Variants in GNAQ observed in about 807,000 individuals in gnomAD.
The protein encoded by GNAQ is G protein subunit alpha q.
In GNAQ, 8 loss-of-function variants were observed where a neutral mutation model predicts 43.9. The ratio of observed to expected loss-of-function variants is 0.18; its 90% confidence interval spans 0.11 to 0.33. The LOEUF is 0.33. Ranked by LOEUF, GNAQ falls within the 10% of genes least tolerant of loss-of-function variation. GNAQ has a pLI of 1.00. For missense variants in GNAQ, 158 were observed against 450.8 expected (o/e 0.35, Z 5.88); for synonymous variants, 155 against 170.7 (o/e 0.91, Z 0.71).
At chr9:77,929,792 T>C (rs1369053505) in intron 1 of GNAQ, among the ~76,000 whole-genome samples, 4 of 152,208 alleles carry the variant, frequency 2.6e-5, no homozygotes, top group African/African-American at 4.8e-5. Context: ...ATCACATCAC[T>C]GCACTCTGGC....
intron 1 of GNAQ, among the ~76,000 whole-genome samples, chr9:77,956,507 C>A (rs550269394): frequency 3.4e-4 from 52 of 152,258 alleles, no homozygotes; most frequent in South Asian, 1.5e-3. Flanking sequence ...ACTTTCAAAG[C>A]CATATATCCT....
At chr9:77,800,505 T>C (rs1239106868) in intron 3 of GNAQ, among the ~76,000 whole-genome samples, 2 of 152,004 alleles carry the variant, frequency 1.3e-5, no homozygotes, top group African/African-American at 2.4e-5. Context: ...TTCTCACTCA[T>C]AGGTGGGAAT....
intron 1 of GNAQ, among the ~76,000 whole-genome samples, chr9:77,929,617 G>A (rs1393236168): frequency 6.6e-6 from 1 of 152,038 alleles, no homozygotes; most frequent in Non-Finnish European, 1.5e-5. Context: ...GAACATTTGA[G>A]GTCAGGTGTT....
intron 5 of GNAQ, among the ~76,000 whole-genome samples, chr9:77,762,287 G>A (rs1485921923): frequency 6.1e-5 from 9 of 147,314 alleles, no homozygotes; most frequent in Admixed American, 2.7e-4. Context: ...CGCCCCGTCC[G>A]GGAGGGAGGT....
At chr9:77,923,437 A>G (rs745578616) in intron 1 of GNAQ, among the ~76,000 whole-genome samples, 19 of 152,166 alleles carry the variant, frequency 1.2e-4, no homozygotes, top group Non-Finnish European at 2.8e-4. Flanking sequence ...ACAGAGCTAT[A>G]TATGTCCCTG....
chr9:77,731,259 T>TCA (rs1825483226), intron 5 of GNAQ, among the ~76,000 whole-genome samples: 1 of 152,064 alleles, frequency 6.6e-6, no homozygotes, highest in South Asian at 2.1e-4. Flanking sequence ...TTTGCATTGA[T>TCA]ATAGAAGAAG....
At chr9:77,836,846 A>G (rs576617935) in intron 2 of GNAQ, among the ~76,000 whole-genome samples, 1 of 152,348 alleles carries the variant, frequency 6.6e-6, no homozygotes, top group East Asian at 1.9e-4. Flanking sequence ...TAAATAGTTG[A>G]CAGTGTAAAA....
At chr9:77,726,876 C>T (rs953059174) in intron 6 of GNAQ, among the ~76,000 whole-genome samples, 1 of 152,152 alleles carries the variant, frequency 6.6e-6, no homozygotes, top group African/African-American at 2.4e-5. Flanking sequence ...CACGGCTTGG[C>T]AAACTTTCTC....
intron 1 of GNAQ, among the ~76,000 whole-genome samples, chr9:77,929,117 T>C (rs1339035700): frequency 6.6e-6 from 1 of 152,152 alleles, no homozygotes; most frequent in Non-Finnish European, 1.5e-5. Context: ...GAACAGGAAG[T>C]TTATGTGAAT....
intron 2 of GNAQ, among the ~76,000 whole-genome samples, chr9:77,921,453 A>G (rs1293599470): frequency 6.6e-6 from 1 of 152,254 alleles, no homozygotes; most frequent in Admixed American, 6.5e-5. Flanking sequence ...GAGCAATCAC[A>G]GCATTTATTT....
chr9:78,000,427 C>T (rs1823629502), intron 1 of GNAQ, among the ~76,000 whole-genome samples: 1 of 152,096 alleles, frequency 6.6e-6, no homozygotes, highest in East Asian at 1.9e-4. Flanking sequence ...CAGGAAAGAC[C>T]ATGTGGCCCA....
At chr9:77,936,789 T>G (rs1829239617) in intron 1 of GNAQ, among the ~76,000 whole-genome samples, 1 of 152,136 alleles carries the variant, frequency 6.6e-6, no homozygotes, top group African/African-American at 2.4e-5. Context: ...CTAGAATGAT[T>G]CCTTTCTTGT....
At chr9:77,825,061 C>T (rs945307774) in intron 2 of GNAQ, among the ~76,000 whole-genome samples, 1 of 152,060 alleles carries the variant, frequency 6.6e-6, no homozygotes, top group Non-Finnish European at 1.5e-5. Context: ...TTGTGTCTTT[C>T]GTATTTTGTG....
At chr9:77,722,490 C>T (rs920636924) in intron 6 of GNAQ, among the ~76,000 whole-genome samples, 3 of 151,848 alleles carry the variant, frequency 2.0e-5, no homozygotes, top group Non-Finnish European at 4.4e-5. Context: ...AAGAATTCTC[C>T]TAGATGCTTT....
chr9:77,752,980 G>A (rs998922332), intron 5 of GNAQ, among the ~76,000 whole-genome samples: 2 of 151,396 alleles, frequency 1.3e-5, no homozygotes, highest in South Asian at 4.2e-4. Flanking sequence ...CCAGCTACTC[G>A]GGAGGCTGAG....
At chr9:77,947,425 T>C (rs1030814010) in intron 1 of GNAQ, among the ~76,000 whole-genome samples, 2 of 152,156 alleles carry the variant, frequency 1.3e-5, no homozygotes, top group Non-Finnish European at 2.9e-5. Context: ...TCCCATGTTA[T>C]CTCTAAATTT....
At chr9:77,786,200 AC>A (rs1241558735) in intron 5 of GNAQ, among the ~76,000 whole-genome samples, 1 of 151,976 alleles carries the variant, frequency 6.6e-6, no homozygotes, top group Non-Finnish European at 1.5e-5. Flanking sequence ...ACACGGTGAA[AC>A]CCAGTCTCTA....
intron 6 of GNAQ, among the ~76,000 whole-genome samples, chr9:77,727,365 T>C (rs1463594188): frequency 2.0e-5 from 3 of 152,220 alleles, no homozygotes; most frequent in East Asian, 3.9e-4. Flanking sequence ...TTGTTTTACA[T>C]AGTGGCTACA....
chr9:77,766,619 G>A (rs1046066419), intron 5 of GNAQ, among the ~76,000 whole-genome samples: 2 of 152,130 alleles, frequency 1.3e-5, no homozygotes, highest in Admixed American at 6.5e-5. Flanking sequence ...GCTCAACACC[G>A]GGGCAGGAGG....
Sources: allele counts gnomAD v4.1 joint callset (sites outside exome capture counted in the v4.1 genomes callset), GRCh38; gene constraint gnomAD v4.1.1; transcripts MANE v1.5; gene names NCBI Gene and HGNC (gene_info 2026-07-23, HGNC 2026-07-21).